Variants in ZFHX3 observed in about 807,000 individuals in gnomAD.
The protein encoded by ZFHX3 is zinc finger homeobox protein 3.
ZFHX3 carries 42 observed loss-of-function variants against 279.1 expected under a neutral mutation model. The observed-to-expected ratio is 0.15, with a 90% CI of 0.12 to 0.19. The LOEUF is 0.19. Ranked by LOEUF, ZFHX3 falls within the 10% of genes least tolerant of loss-of-function variation. The pLI is 1.00. For synonymous variants in ZFHX3, 2,293 were observed against 1,957.8 expected (o/e 1.17, Z -4.52); for missense variants, 4,981 against 4,754.0 (o/e 1.05, Z -1.40).
At chr16:73,533,307 C>A (rs2019840532) in intron 2 of ZFHX3, among the ~76,000 whole-genome samples, 2 of 151,434 alleles carry the variant, frequency 1.3e-5, no homozygotes, top group South Asian at 2.1e-4. Context: ...TACCCATCAA[C>A]CAGCTTCTGC....
intron 2 of ZFHX3, among the ~76,000 whole-genome samples, chr16:73,462,102 C>G (rs141543179): frequency 6.6e-6 from 1 of 152,048 alleles, no homozygotes; most frequent in Non-Finnish European, 1.5e-5. Flanking sequence ...TTTACACCTG[C>G]GTATTTTTTT....
At position 73,671,741 on chromosome 16, in the gene ZFHX3, T is replaced by C. The variant is rs143811008; in HGVS notation, c.-1547+8439A>G. Among the ~76,000 whole-genome samples, 229 of 152,344 alleles carry C rather than the reference T, an allele frequency of 1.5e-3. 1 individual carries two copies. Among genetic ancestry groups the C allele is most frequent in the African/African-American group, 5.3e-3 (221 of 41,584 alleles). ...GAGCTTTTTAAGTTAAGCCAACTAGTTCCAAATTACTACTTTTCCTGGCTT... is the reference window on the plus strand; with the variant it reads ...GAGCTTTTTAAGTTAAGCCAACTAGCTCCAAATTACTACTTTTCCTGGCTT... On this transcript the variant is annotated intron_variant, in intron 2 of 17. Coordinates refer to the ZFHX3 transcript ENST00000641206.
chr16:73,686,043 A>G (rs2053078831), intron 1 of ZFHX3, among the ~76,000 whole-genome samples: 1 of 152,208 alleles, frequency 6.6e-6, no homozygotes, highest in Admixed American at 6.5e-5. Flanking sequence ...AATCTTCAAC[A>G]TGCTTATGTG....
intron 1 of ZFHX3, among the ~76,000 whole-genome samples, chr16:73,883,971 G>T (rs1470419201): frequency 2.6e-5 from 4 of 152,224 alleles, no homozygotes; most frequent in African/African-American, 9.6e-5. Context: ...TCTAAATCAA[G>T]TTCCCTTCTT....
intron 1 of ZFHX3, among the ~76,000 whole-genome samples, chr16:73,855,812 G>A (rs1001206503): frequency 6.6e-6 from 1 of 152,160 alleles, no homozygotes; most frequent in Non-Finnish European, 1.5e-5. Flanking sequence ...GGAACATTCA[G>A]CAAAGGCATC....
At chr16:73,079,206 C>T (rs993577934) in intron 8 of ZFHX3, among the ~76,000 whole-genome samples, 10 of 151,986 alleles carry the variant, frequency 6.6e-5, no homozygotes, top group African/African-American at 2.4e-4. Flanking sequence ...CTGCCTCCAT[C>T]ACTTTCATAT....
chr16:73,440,674 A>G (rs1050392679), intron 3 of ZFHX3, among the ~76,000 whole-genome samples: 8 of 152,244 alleles, frequency 5.3e-5, no homozygotes, highest in Admixed American at 5.2e-4. Flanking sequence ...CCAATTCACC[A>G]GCCACTATTT....
chr16:73,093,200 G>A (rs760941562), intron 8 of ZFHX3: 4 of 519,820 alleles, frequency 7.7e-6, no homozygotes, highest in Admixed American at 1.9e-5. Context: ...GGACGACCAC[G>A]CGCATGCAGA....
At position 72,795,940 on chromosome 16, in the gene ZFHX3, T is replaced by C. The variant is rs1378446746; in HGVS notation, c.6742A>G (p.Arg2248Gly). 1 of 1,614,166 alleles carries C rather than the reference T, an allele frequency of 6.2e-7. No homozygotes were observed. Among genetic ancestry groups the C allele is most frequent in the Non-Finnish European group, 8.5e-7 (1 of 1,180,032 alleles). ...ACCCTCAGCTGGTAGTCCGTAAACC[T>C]TGTTCTTGAAGACCTCTTGCTTCCC... Reference protein sequence around the residue: ...YWGSKRSSRTRFTDYQLRVLQ... With the variant: ...YWGSKRSSRTGFTDYQLRVLQ... The change falls in exon 9 of 10, where the codon AGG becomes GGG. Residue 2248 changes from arginine to glycine, a missense_variant. Arg to Gly is a moderately radical substitution (Grantham distance 125). This residue lies in a region of ZFHX3 where 177 missense variants were observed against 244.2 expected (regional missense o/e 0.72). Transcript: ENST00000268489.
intron 3 of ZFHX3, among the ~76,000 whole-genome samples, chr16:73,418,314 G>T (rs74028631): frequency 0.011 from 1,686 of 151,804 alleles, 36 homozygotes; most frequent in African/African-American, 0.037. Flanking sequence ...TCTGTTGAGT[G>T]ACTTTGGGGC....
intron 4 of ZFHX3, among the ~76,000 whole-genome samples, chr16:73,281,751 T>C (rs964294822): frequency 9.9e-5 from 15 of 152,206 alleles, no homozygotes; most frequent in African/African-American, 3.6e-4. Flanking sequence ...GATCAAAAGG[T>C]ATATATTAAA....
chr16:73,631,079 T>C (rs2052464106), intron 2 of ZFHX3, among the ~76,000 whole-genome samples: 1 of 152,170 alleles, frequency 6.6e-6, no homozygotes, highest in Non-Finnish European at 1.5e-5. Flanking sequence ...GCCTGATTCC[T>C]GAGATGGGTG....
chr16:73,068,827 G>T (rs1965788939), intron 8 of ZFHX3, among the ~76,000 whole-genome samples: 1 of 152,212 alleles, frequency 6.6e-6, no homozygotes, highest in Non-Finnish European at 1.5e-5. Context: ...CCACTTGCAG[G>T]CCCTAAGGTA....
At chr16:73,734,997 C>A (rs2142253573) in intron 1 of ZFHX3, among the ~76,000 whole-genome samples, 1 of 152,076 alleles carries the variant, frequency 6.6e-6, no homozygotes, top group Admixed American at 6.6e-5. Context: ...ATAAAACTAC[C>A]AATACAACAG....
At chr16:73,679,030 C>G (rs572303383) in intron 2 of ZFHX3, among the ~76,000 whole-genome samples, 31 of 152,214 alleles carry the variant, frequency 2.0e-4, no homozygotes, top group Middle Eastern at 3.4e-3. Context: ...TAGTCCAAGC[C>G]TGGCTCGTGC....
chr16:73,706,232 G>A (rs903409359), intron 1 of ZFHX3, among the ~76,000 whole-genome samples: 6 of 151,984 alleles, frequency 3.9e-5, no homozygotes, highest in South Asian at 2.1e-4. Context: ...AGGCTGAGGC[G>A]GGTGGATCAC....
intron 2 of ZFHX3, among the ~76,000 whole-genome samples, chr16:73,674,582 T>A (rs1719551660): frequency 1.3e-5 from 2 of 152,228 alleles, no homozygotes; most frequent in Admixed American, 1.3e-4. Context: ...TTTGCCCCAT[T>A]GCTGTATCCA....
intron 5 of ZFHX3, among the ~76,000 whole-genome samples, chr16:73,219,880 G>A (rs1236466875): frequency 6.6e-6 from 1 of 152,192 alleles, no homozygotes; most frequent in Non-Finnish European, 1.5e-5. Flanking sequence ...GAGGTCAGGA[G>A]TTGGAGACCA....
Position 73,083,678 on chromosome 16 carries a change from C to T in ZFHX3, c.-533+9557G>A, listed in dbSNP as rs1186798464. 2.0e-5 allele frequency among the ~76,000 whole-genome samples: 3 copies of T among 152,162 alleles called. No individual in the cohort carries two copies. The East Asian group carries it at 5.8e-4, about 29-fold the overall frequency. On this transcript the variant is annotated intron_variant, in intron 8 of 17. Transcript: ENST00000641206. ...CTGAGTACCTGGGACTACAGGTGCGCACCATCACACCTGGTTAACTGTTGT... is the reference window on the plus strand; with the variant it reads ...CTGAGTACCTGGGACTACAGGTGCGTACCATCACACCTGGTTAACTGTTGT...
Sources: gnomAD v4.1 joint callset for allele counts (sites outside exome capture counted in the v4.1 genomes callset) on GRCh38, gnomAD v4.1.1 for gene constraint, gnomAD v4.1.1 regional missense constraint, MANE v1.5 for transcripts, NCBI Gene and HGNC (gene_info 2026-07-23, HGNC 2026-07-21) for gene names.